GOLPH3L: variants seen among roughly 807,000 people sequenced by gnomAD.
The protein encoded by GOLPH3L is golgi phosphoprotein 3 like.
A neutral mutation model predicts 30.3 loss-of-function variants in GOLPH3L; 22 were observed. That is an observed-to-expected ratio of 0.73 (90% CI 0.52 to 1.04). The LOEUF is 1.04. Among genes scored for constraint, GOLPH3L ranks in the 50% least tolerant of loss-of-function variants. GOLPH3L has a pLI of 0.00. For synonymous variants in GOLPH3L, 120 were observed against 128.2 expected (o/e 0.94, Z 0.43); for missense variants, 303 against 345.8 (o/e 0.88, Z 0.98).
intron 2 of GOLPH3L, among the ~76,000 whole-genome samples, chr1:150,685,936 G>A (rs888535255): frequency 2.0e-5 from 3 of 147,720 alleles, no homozygotes; most frequent in African/African-American, 5.0e-5. Flanking sequence ...GTGCAGTGGC[G>A]CAACCTTGGC....
chr1:150,658,859 T>A (rs1195719018), intron 4 of GOLPH3L, among the ~76,000 whole-genome samples: 1 of 152,226 alleles, frequency 6.6e-6, no homozygotes, highest in Non-Finnish European at 1.5e-5. Flanking sequence ...GTGGAAACTA[T>A]TAATGGCTCT....
intron 2 of GOLPH3L, among the ~76,000 whole-genome samples, chr1:150,688,437 C>A (rs1200147114): frequency 6.6e-6 from 1 of 152,148 alleles, no homozygotes; most frequent in African/African-American, 2.4e-5. Flanking sequence ...CAGACTAACT[C>A]ACTCTTATTC....
intron 4 of GOLPH3L, among the ~76,000 whole-genome samples, chr1:150,660,996 A>G (rs967672467): frequency 2.0e-5 from 3 of 152,100 alleles, no homozygotes; most frequent in African/African-American, 7.2e-5. Flanking sequence ...TTGGGAGGCC[A>G]AGGCGGGCAG....
At chr1:150,666,490 G>A (rs983608482) in intron 2 of GOLPH3L, among the ~76,000 whole-genome samples, 10 of 151,992 alleles carry the variant, frequency 6.6e-5, no homozygotes, top group African/African-American at 1.9e-4. Context: ...GATTACAGGT[G>A]CACCTCACCA....
intron 4 of GOLPH3L, among the ~76,000 whole-genome samples, chr1:150,650,069 G>A (rs759480811): frequency 5.3e-5 from 8 of 152,000 alleles, no homozygotes; most frequent in Non-Finnish European, 1.2e-4. Flanking sequence ...TACTCTCTCC[G>A]AGAAGAAATC....
rs1649978820 is a variant in GOLPH3L, at chr1:150,646,333, C to G, written c.*1988G>C. 6.6e-6 allele frequency: 1 copy of G among 152,148 alleles called. No individual in the cohort carries two copies. The highest frequency in any genetic ancestry group is 6.5e-5 in the Admixed American group (1 of 15,278). The allele number at this position is 152,148 out of a possible 1,614,324, so 9.4% of individuals were successfully genotyped here. A position where few individuals can be genotyped will look rare whatever the true frequency, so the allele number is the denominator to read the frequency against. ...TATGCAGATTCAAACTGAAGGTATC[C>G]TCGTCTTACTGAGATATAAAAATAA... On this transcript the variant is annotated 3_prime_UTR_variant, in exon 5 of 5. Coordinates refer to ENST00000271732, the MANE Select transcript of GOLPH3L (RefSeq NM_018178.6).
At chr1:150,691,324 T>C (rs187701048) in intron 2 of GOLPH3L, among the ~76,000 whole-genome samples, 284 of 152,290 alleles carry the variant, frequency 1.9e-3, no homozygotes, top group African/African-American at 6.4e-3. Flanking sequence ...AAGACCAGCC[T>C]GACCAATATG....
intron 2 of GOLPH3L, among the ~76,000 whole-genome samples, chr1:150,689,689 G>T (rs55743127): frequency 0.041 from 6,265 of 152,170 alleles, 427 homozygotes; most frequent in African/African-American, 0.14. Context: ...CTGTCACCCA[G>T]GCTAGAGTGC....
chr1:150,660,432 T>C (rs1360245542), intron 4 of GOLPH3L, among the ~76,000 whole-genome samples: 1 of 152,144 alleles, frequency 6.6e-6, no homozygotes, highest in Non-Finnish European at 1.5e-5. Flanking sequence ...TATTCCTAGG[T>C]ATATATCCAA....
chr1:150,648,685 T>C lies in GOLPH3L; in HGVS notation c.494A>G (p.Lys165Arg). ...TAGAATACCTTTCTCTACTAGGTTC[T>C]TTGCGATGCGCTCTCGTACATTTCT... is the stretch of plus-strand genomic sequence containing the variant. ...QLRNVRERIA[K>R]NLVEKGILTT... Residue 165 changes from lysine to arginine, a missense_variant, in exon 5 of 5, where the codon AAG becomes AGG. Transcript: ENST00000271732. 2.5e-6 allele frequency: 4 copies of C among 1,612,762 alleles called. No homozygotes were observed. The highest frequency in any genetic ancestry group is 3.4e-6 in the Non-Finnish European group (4 of 1,178,712).
chr1:150,684,992 A>G (rs1423899872), intron 2 of GOLPH3L, among the ~76,000 whole-genome samples: 1 of 152,176 alleles, frequency 6.6e-6, no homozygotes, highest in Non-Finnish European at 1.5e-5. Flanking sequence ...ATAATTAAAT[A>G]TTATTTACTT....
In GOLPH3L at chr1:150,677,468, C is replaced by T. The variant is rs186497471; in HGVS notation, c.184-13705G>A. ...GGCCAGGCTGGTCTTGAACTCCTGA[C>T]CTCAGGTGATCCACCTGCCTCAGCC... On this transcript the variant is annotated intron_variant, in intron 2 of 4. Coordinates refer to ENST00000271732, the MANE Select transcript of GOLPH3L (RefSeq NM_018178.6). Among the ~76,000 whole-genome samples, 1,221 of 150,932 alleles carry T rather than the reference C, an allele frequency of 8.1e-3. 9 individuals are homozygous for T. Among genetic ancestry groups the T allele is most frequent in the Non-Finnish European group, 0.011 (733 of 67,732 alleles).
Position 150,663,800 on chromosome 1 carries a change from G to A in GOLPH3L, c.184-37C>T, listed in dbSNP as rs587622058. 3.1e-6 allele frequency: 5 copies of A among 1,599,156 alleles called. No individual in the cohort carries two copies. The African/African-American group carries it at 4.0e-5, about 13-fold the overall frequency. On this transcript the variant is annotated intron_variant, in intron 2 of 4. Coordinates refer to ENST00000271732, the MANE Select transcript of GOLPH3L (RefSeq NM_018178.6). The stretch of plus-strand genomic sequence containing the variant: ...GAAAAGAGAAGAGAAAGAATGTTTT[G>A]AGAGGAATACTGACTTCCAGCAGGC...
chr1:150,665,788 C>CA (rs2101793145), intron 2 of GOLPH3L, among the ~76,000 whole-genome samples: 1 of 152,212 alleles, frequency 6.6e-6, no homozygotes, highest in Non-Finnish European at 1.5e-5. Context: ...TCCTGTATCT[C>CA]AGACTTCCTT....
At chr1:150,693,445 G>C (rs1186212414) in intron 2 of GOLPH3L, among the ~76,000 whole-genome samples, 1 of 152,108 alleles carries the variant, frequency 6.6e-6, no homozygotes, top group Non-Finnish European at 1.5e-5. Context: ...ACTGAGGCCA[G>C]TAATAAATAT....
At chr1:150,657,029 A>C (rs1337848743) in intron 4 of GOLPH3L, among the ~76,000 whole-genome samples, 2 of 152,214 alleles carry the variant, frequency 1.3e-5, no homozygotes, top group Non-Finnish European at 2.9e-5. Context: ...CAGAGCTTGT[A>C]GCTGTAACTG....
intron 4 of GOLPH3L, among the ~76,000 whole-genome samples, chr1:150,659,906 G>A (rs587704682): frequency 5.3e-5 from 8 of 152,044 alleles, no homozygotes; most frequent in South Asian, 2.1e-4. Flanking sequence ...GTGATGGTGC[G>A]CACCCATAGT....
chr1:150,671,411 C>T (rs1650640935), intron 2 of GOLPH3L, among the ~76,000 whole-genome samples: 1 of 152,106 alleles, frequency 6.6e-6, no homozygotes, highest in African/African-American at 2.4e-5. Flanking sequence ...TCCACTTAGT[C>T]AAGTATTCAA....
intron 4 of GOLPH3L, among the ~76,000 whole-genome samples, chr1:150,656,167 T>C (rs777804042): frequency 1.8e-4 from 28 of 152,196 alleles, no homozygotes; most frequent in Non-Finnish European, 3.4e-4. Flanking sequence ...ATTACTCCAA[T>C]GTTATGATCA....
Sources: allele counts gnomAD v4.1 joint callset (sites outside exome capture counted in the v4.1 genomes callset), GRCh38; gene constraint gnomAD v4.1.1; transcripts MANE v1.5; gene names NCBI Gene and HGNC (gene_info 2026-07-23, HGNC 2026-07-21).